The following PRKCI variants were observed in gnomAD, a reference collection of about 807,000 sequenced individuals.
PRKCI encodes protein kinase C iota type.
PRKCI carries 43 observed loss-of-function variants against 84.0 expected under a neutral mutation model. The ratio of observed to expected loss-of-function variants is 0.51; its 90% CI spans 0.40 to 0.66. The LOEUF (loss-of-function observed/expected upper bound fraction) is 0.66. PRKCI is among the 30% of genes least tolerant of loss of function. The pLI is 0.00. For synonymous variants in PRKCI, 216 were observed against 234.4 expected (o/e 0.92, Z 0.72); for missense variants, 459 against 745.6 (o/e 0.62, Z 4.48).
At chr3:170,296,019 G>A (rs1434782800) in intron 15 of PRKCI, 29 bp downstream of exon 15, 3 of 1,340,168 alleles carry the variant, frequency 2.2e-6, no homozygotes, top group East Asian at 2.4e-5. Flanking sequence ...AATATTTTGT[G>A]ATTTGTCTCT....
chr3:170,224,770 C>T (rs780558673), intron 1 of PRKCI, among the ~76,000 whole-genome samples: 1 of 152,132 alleles, frequency 6.6e-6, no homozygotes, highest in African/African-American at 2.4e-5. Flanking sequence ...ATGATGCGCT[C>T]GTCTTGGCTT....
intron 6 of PRKCI, 25 bp downstream of exon 6, chr3:170,270,586 T>C: frequency 6.3e-7 from 1 of 1,580,746 alleles, no homozygotes; most frequent in Admixed American, 1.9e-5. Context: ...CTTTTTTTTT[T>C]TTTTTTTTTT....
chr3:170,232,820 C>G (rs970110979), intron 1 of PRKCI, among the ~76,000 whole-genome samples: 4 of 152,172 alleles, frequency 2.6e-5, no homozygotes, highest in Non-Finnish European at 5.9e-5. Context: ...GGATTACAGG[C>G]ACGAGCCACC....
intron 13 of PRKCI, among the ~76,000 whole-genome samples, chr3:170,292,635 G>A (rs376517451): frequency 3.7e-4 from 56 of 151,730 alleles, no homozygotes; most frequent in African/African-American, 1.1e-3. Flanking sequence ...GCGTGAACCC[G>A]GGAGGCGGAG....
chr3:170,256,664 C>A (rs543559525), intron 2 of PRKCI, among the ~76,000 whole-genome samples: 4 of 152,202 alleles, frequency 2.6e-5, no homozygotes, highest in African/African-American at 9.6e-5. Context: ...CAATTTCATT[C>A]ATTTCTGCCC....
chr3:170,259,967 A>G lies in PRKCI; in HGVS notation c.224-2A>G. The G allele has an allele frequency of 2.5e-6, 4 of 1,589,454 alleles. No homozygotes were observed. The highest frequency in any genetic ancestry group is 3.4e-6 in the Non-Finnish European group (4 of 1,168,610). On this transcript the variant is annotated splice_acceptor_variant, in intron 2 of 17. Transcript: ENST00000295797. LOFTEE classifies it high-confidence loss of function. The stretch of plus-strand genomic sequence containing the variant: ...CCTTTACTTTACTTTTGTGTTTTTT[A>G]GGAGACCCGTGTACAGTATCATCTC...
chr3:170,230,227 G>A (rs1435884388), intron 1 of PRKCI, among the ~76,000 whole-genome samples: 3 of 149,942 alleles, frequency 2.0e-5, no homozygotes, highest in Admixed American at 6.7e-5. Context: ...ACCCAGTGGC[G>A]TGATCTCGTC....
At chr3:170,231,791 A>C (rs1179436236) in intron 1 of PRKCI, among the ~76,000 whole-genome samples, 2 of 152,174 alleles carry the variant, frequency 1.3e-5, no homozygotes, top group Admixed American at 6.5e-5. Flanking sequence ...ATAGGCTAGA[A>C]TTTTCTAGAC....
At chr3:170,268,105 A>G (rs1733909889) in intron 5 of PRKCI, 105 bp downstream of exon 5, 1 of 855,206 alleles carries the variant, frequency 1.2e-6, no homozygotes, top group Non-Finnish European at 1.8e-6. Flanking sequence ...ACACTTTTAA[A>G]TACATAAGTA....
intron 17 of PRKCI, among the ~76,000 whole-genome samples, chr3:170,300,549 CG>C (rs1734796324): frequency 6.6e-6 from 1 of 151,206 alleles, no homozygotes; most frequent in South Asian, 2.1e-4. Context: ...TGAACAACCA[CG>C]TTTTTCCTCA....
chr3:170,253,118 A>G (rs2650230), intron 2 of PRKCI, among the ~76,000 whole-genome samples: 32,906 of 152,080 alleles, frequency 0.22, 3,938 homozygotes, highest in African/African-American at 0.32. Context: ...CTTCCAAATC[A>G]TGGCTATTGT....
At chr3:170,247,435 G>A (rs1733313268) in intron 2 of PRKCI, among the ~76,000 whole-genome samples, 1 of 151,308 alleles carries the variant, frequency 6.6e-6, no homozygotes, top group African/African-American at 2.4e-5. Flanking sequence ...CATCTCTCCT[G>A]ATGTGAATGT....
chr3:170,293,308 G>A, intron 13 of PRKCI, 75 bp from the exon 14 acceptor site: 1 of 1,396,566 alleles, frequency 7.2e-7, no homozygotes, highest in South Asian at 1.4e-5. Context: ...TTTCCTTTAT[G>A]TGATAAAATT....
At position 170,303,688 on chromosome 3, in the gene PRKCI, G is replaced by A. The variant is rs1472340224; in HGVS notation, c.*561G>A. 4.6e-6 allele frequency: 1 copy of A among 219,500 alleles called. No individual in the cohort carries two copies. 13.6% of individuals were successfully genotyped at this position (219,500 alleles called of 1,614,324 possible). ...AGTTATTAAATTGGTAATAGAAGAT[G>A]CTGCTTGCTTAGAATTGGGAAATTC... is the stretch of plus-strand genomic sequence containing the variant. On this transcript the variant is annotated 3_prime_UTR_variant, in exon 18 of 18. Transcript: ENST00000295797.
intron 2 of PRKCI, among the ~76,000 whole-genome samples, chr3:170,245,949 G>GTTTTTTTTGTTTGTTTGTTTT (rs769121904): frequency 1.2e-5 from 1 of 82,462 alleles, no homozygotes; most frequent in Non-Finnish European, 2.4e-5. Flanking sequence ...TTATGTCTTT[G>GTTTTTTTTGTTTGTTTGTTTT]TTTTTTTTTT....
At position 170,284,511 on chromosome 3, in the gene PRKCI, G is replaced by A; in HGVS notation, c.1118G>A (p.Gly373Glu). 6.2e-7 allele frequency: 1 copy of A among 1,603,068 alleles called. No homozygotes were observed. Among genetic ancestry groups the A allele is most frequent in the Admixed American group, 1.7e-5 (1 of 59,884 alleles). The change falls in exon 12 of 18, where the codon GGG becomes GAG. Residue 373 changes from glycine to glutamate, a missense_variant. By Grantham distance (98) the Gly-to-Glu change is moderately conservative (BLOSUM62 -2). Transcript: ENST00000295797. ...GCATTAAATTATCTTCATGAGCGAG[G>A]GATAATTTATAGAGATTTGAAACTG... ...SLALNYLHER[G>E]IIYRDLKLDN...
intron 2 of PRKCI, among the ~76,000 whole-genome samples, chr3:170,237,112 A>G (rs1732999892): frequency 6.6e-6 from 1 of 152,208 alleles, no homozygotes; most frequent in Admixed American, 6.5e-5. Flanking sequence ...AGAGGAGGTG[A>G]GGAGAAAACC....
chr3:170,256,504 A>G (rs751897032), intron 2 of PRKCI, among the ~76,000 whole-genome samples: 1 of 152,172 alleles, frequency 6.6e-6, no homozygotes, highest in Admixed American at 6.5e-5. Flanking sequence ...TTTCTGCAGT[A>G]TTAGTTGTAT....
At chr3:170,279,644 A>C (rs1243042428) in intron 8 of PRKCI, among the ~76,000 whole-genome samples, 4 of 151,980 alleles carry the variant, frequency 2.6e-5, no homozygotes, top group Admixed American at 6.6e-5. Context: ...GTGGAAAAGA[A>C]TGTCTTCCAT....
Sources: allele counts gnomAD v4.1 joint callset (sites outside exome capture counted in the v4.1 genomes callset), GRCh38; gene constraint gnomAD v4.1.1; transcripts MANE v1.5; gene names NCBI Gene and HGNC (gene_info 2026-07-23, HGNC 2026-07-21).